Variants in TCERG1L observed in about 807,000 individuals in gnomAD.
The protein encoded by TCERG1L is transcription elongation regulator 1-like protein.
Under a neutral mutation model 56.3 loss-of-function variants are expected in TCERG1L, and 37 were observed. The ratio of observed to expected loss-of-function variants is 0.66; its 90% CI spans 0.51 to 0.87. The LOEUF is 0.87. Ranked by LOEUF, TCERG1L falls within the 40% of genes least tolerant of loss-of-function variation. The pLI is 0.00. For synonymous variants in TCERG1L, 324 were observed against 326.3 expected (o/e 0.99, Z 0.08); for missense variants, 799 against 774.2 (o/e 1.03, Z -0.38).
chr10:131,185,154 G>T (rs1156668965), intron 4 of TCERG1L, among the ~76,000 whole-genome samples: 1 of 151,906 alleles, frequency 6.6e-6, no homozygotes, highest in African/African-American at 2.4e-5. Context: ...ATAGATGTGG[G>T]TATAATTTTA....
intron 9 of TCERG1L, among the ~76,000 whole-genome samples, chr10:131,115,368 A>C (rs1235192430): frequency 6.6e-6 from 1 of 152,268 alleles, no homozygotes; most frequent in Non-Finnish European, 1.5e-5. Context: ...GGAGGAGGGC[A>C]GGAAGCCCCA....
At chr10:131,229,961 G>A (rs1845831424) in intron 4 of TCERG1L, among the ~76,000 whole-genome samples, 1 of 152,190 alleles carries the variant, frequency 6.6e-6, no homozygotes, top group African/African-American at 2.4e-5. Context: ...ACAAGGACGA[G>A]GCAGCTTCCC....
At chr10:131,256,338 T>C (rs1489355979) in intron 4 of TCERG1L, among the ~76,000 whole-genome samples, 4 of 139,728 alleles carry the variant, frequency 2.9e-5, no homozygotes, top group Non-Finnish European at 4.8e-5. Context: ...AAGTTACTGA[T>C]AGAACAAAAA....
rs763756048 is a variant in TCERG1L at position 131,260,315 on chromosome 10, C to A, written c.800G>T (p.Arg267Leu). The change falls in exon 4 of 12, where the codon CGC (arginine) becomes CTC (leucine). Residue 267 changes from arginine (R) to leucine (L), a missense_variant. By Grantham distance (102) the Arg-to-Leu change is moderately radical. Coordinates refer to ENST00000368642, the MANE Select transcript of TCERG1L (RefSeq NM_174937.4). The surrounding 1 kb of genome is among the most constrained non-coding windows in gnomAD (Gnocchi z 5.8). ...GATGGGTGCCAAGGTCAGGAAGTGG[C>A]GCGGCTGCACGCTGGAGGGGGACGG... ...RGPSPSSVQP[R>L]HFLTLAPIKI... 5 of 1,447,630 alleles carry A rather than the reference C, an allele frequency of 3.5e-6. No individual in the cohort carries two copies. The African/African-American group carries it at 6.0e-5, about 17-fold the overall frequency. 89.7% of individuals were successfully genotyped at this position (1,447,630 alleles called of 1,614,324 possible). A position where few individuals can be genotyped will look rare whatever the true frequency, so the allele number is the denominator to read the frequency against.
Position 131,207,678 on chromosome 10 carries a change from T to G in TCERG1L, c.857-40793A>C, listed in dbSNP as rs1845555953. On this transcript the variant is annotated intron_variant, in intron 4 of 11. Transcript: ENST00000368642. ...GATTGGGAGATGTGTCCGCTTCCTG[T>G]GAGGACAGCGCGGGCCTCTGCAGCA... 1.3e-5 allele frequency among the ~76,000 whole-genome samples: 2 copies of G among 152,028 alleles called. 1 individual carries two copies. The highest frequency in any genetic ancestry group is 4.2e-4 in the South Asian group (2 of 4,812).
intron 8 of TCERG1L, among the ~76,000 whole-genome samples, chr10:131,123,954 T>A (rs1194021051): frequency 1.3e-5 from 2 of 152,146 alleles, no homozygotes; most frequent in African/African-American, 2.4e-5. Flanking sequence ...AGGTAGGGCA[T>A]GAGTGGGTGG....
At chr10:131,140,587 A>C (rs1442043241) in intron 7 of TCERG1L, among the ~76,000 whole-genome samples, 1 of 152,194 alleles carries the variant, frequency 6.6e-6, no homozygotes, top group Non-Finnish European at 1.5e-5. Flanking sequence ...TGGAGAAGTC[A>C]GTGTTCTCCC....
At chr10:131,274,876 C>T (rs1335424535) in intron 3 of TCERG1L, among the ~76,000 whole-genome samples, 1 of 152,218 alleles carries the variant, frequency 6.6e-6, no homozygotes, top group Non-Finnish European at 1.5e-5. Flanking sequence ...ATCCACAATC[C>T]CAGTTCTGCA....
chr10:131,230,873 G>C (rs889405480), intron 4 of TCERG1L, among the ~76,000 whole-genome samples: 9 of 152,254 alleles, frequency 5.9e-5, no homozygotes, highest in Admixed American at 5.2e-4. Context: ...CCCCAGAGGG[G>C]ACAGTGTGCC....
Position 131,157,715 on chromosome 10 carries a change from T to A in TCERG1L, c.1034+5407A>T, listed in dbSNP as rs921918129. ...AAAGTAATTCAAGTTTCATTGCAAC[T>A]GTTGCCATGACACAAGCTCTGTCTT... On this transcript the variant is annotated intron_variant, in intron 6 of 11. Transcript: ENST00000368642. 1.3e-4 allele frequency among the ~76,000 whole-genome samples: 20 copies of A among 152,256 alleles called. 1 individual carries two copies. Among genetic ancestry groups the A allele is most frequent in the African/African-American group, 4.6e-4 (19 of 41,476 alleles).
At chr10:131,279,893 C>T (rs895738626) in intron 3 of TCERG1L, among the ~76,000 whole-genome samples, 1 of 152,122 alleles carries the variant, frequency 6.6e-6, no homozygotes, top group Admixed American at 6.5e-5. Context: ...CTCGGGGGCA[C>T]ACCCTCCTCT....
chr10:131,134,552 G>T, intron 7 of TCERG1L, 104 bp from the exon 8 acceptor site: 1 of 821,320 alleles, frequency 1.2e-6, no homozygotes, highest in East Asian at 2.7e-5. Flanking sequence ...TAGAAATTAA[G>T]ACAACAGGCT....
At chr10:131,211,420 C>T (rs941332838) in intron 4 of TCERG1L, among the ~76,000 whole-genome samples, 18 of 152,220 alleles carry the variant, frequency 1.2e-4, no homozygotes, top group African/African-American at 3.6e-4. Context: ...CTTCCTACTA[C>T]AACCCCTTTC....
chr10:131,277,131 T>C (rs1846401334), intron 3 of TCERG1L, among the ~76,000 whole-genome samples: 1 of 151,954 alleles, frequency 6.6e-6, no homozygotes, highest in Non-Finnish European at 1.5e-5. Context: ...ACATCACCAC[T>C]GAGCTAGGAG....
intron 3 of TCERG1L, among the ~76,000 whole-genome samples, chr10:131,296,548 C>A (rs1316472166): frequency 6.6e-6 from 1 of 152,170 alleles, no homozygotes; most frequent in Non-Finnish European, 1.5e-5. Flanking sequence ...GCATTTAGAT[C>A]AGCTATGCCT....
rs1015938181 is a variant in TCERG1L at position 131,305,491 on chromosome 10, T to C, written c.670+2720A>G. Reference sequence around the variant, plus strand: ...CATCTCTACCAGAGAGATTCCAACTTAGCTCAACAAACGATCCAGTTCATT... The same window carrying C: ...CATCTCTACCAGAGAGATTCCAACTCAGCTCAACAAACGATCCAGTTCATT... On this transcript the variant is annotated intron_variant, in intron 3 of 11. Coordinates refer to ENST00000368642, the MANE Select transcript of TCERG1L (RefSeq NM_174937.4). 1.1e-4 allele frequency among the ~76,000 whole-genome samples: 17 copies of C among 152,066 alleles called. 1 individual carries two copies. The highest frequency in any genetic ancestry group is 4.1e-4 in the African/African-American group (17 of 41,332).
chr10:131,214,225 A>G (rs1318205367), intron 4 of TCERG1L, among the ~76,000 whole-genome samples: 2 of 151,898 alleles, frequency 1.3e-5, no homozygotes, highest in Non-Finnish European at 2.9e-5. Context: ...GCTTGTCCTA[A>G]CCTGGCTGCA....
chr10:131,243,882 C>T (rs1845999620), intron 4 of TCERG1L, among the ~76,000 whole-genome samples: 1 of 152,176 alleles, frequency 6.6e-6, no homozygotes, highest in Non-Finnish European at 1.5e-5. Context: ...AAGAACTGTC[C>T]AACTGAGCCC....
intron 4 of TCERG1L, among the ~76,000 whole-genome samples, chr10:131,243,771 T>G (rs1017658723): frequency 1.3e-5 from 2 of 152,212 alleles, no homozygotes; most frequent in African/African-American, 4.8e-5. Context: ...GCAGATGACC[T>G]GATGCACAAG....
Sources: allele counts gnomAD v4.1 joint callset (sites outside exome capture counted in the v4.1 genomes callset), GRCh38; gene constraint gnomAD v4.1.1; non-coding constraint Gnocchi (gnomAD v3.1); transcripts MANE v1.5; gene names NCBI Gene and HGNC (gene_info 2026-07-23, HGNC 2026-07-21).